The following ENTREP2 variants were observed in gnomAD, a reference collection of about 807,000 sequenced individuals.
ENTREP2 encodes the protein protein ENTREP2.
chr15:29,498,798 G>T, the ENTREP2 span, among the ~76,000 whole-genome samples: 1 of 152,008 alleles, frequency 6.6e-6, no homozygotes, highest in African/African-American at 2.4e-5. Flanking sequence ...TCTCCTTTCA[G>T]ATCTATTAAT....
chr15:29,205,401 T>C, the ENTREP2 span, among the ~76,000 whole-genome samples: 1 of 152,190 alleles, frequency 6.6e-6, no homozygotes, highest in Non-Finnish European at 1.5e-5. Context: ...GTCATAATGT[T>C]TTCCACAGCA....
At chr15:29,456,532 A>G in the ENTREP2 span, among the ~76,000 whole-genome samples, 1 of 152,280 alleles carries the variant, frequency 6.6e-6, no homozygotes, top group African/African-American at 2.4e-5. Context: ...CAAATTCCAC[A>G]AGCTGATTCT....
the ENTREP2 span, among the ~76,000 whole-genome samples, chr15:29,465,396 C>G: frequency 6.6e-5 from 10 of 152,194 alleles, no homozygotes; most frequent in Non-Finnish European, 7.3e-5. Context: ...TGCCTGACAA[C>G]TGAGCCACGT....
At chr15:29,478,500 T>A in the ENTREP2 span, among the ~76,000 whole-genome samples, 1 of 152,158 alleles carries the variant, frequency 6.6e-6, no homozygotes, top group South Asian at 2.1e-4. Context: ...TGAGATATAA[T>A]CCCTGATGCT....
At chr15:29,472,690 C>T in the ENTREP2 span, among the ~76,000 whole-genome samples, 4 of 152,244 alleles carry the variant, frequency 2.6e-5, no homozygotes, top group South Asian at 2.1e-4. Flanking sequence ...GTCTCTAACT[C>T]CTGACCTCAT....
chr15:29,124,626 C>CA, the ENTREP2 span: 10 of 1,437,810 alleles, frequency 7.0e-6, no homozygotes, highest in Middle Eastern at 1.8e-4. Flanking sequence ...AAGGACCCAC[C>CA]AACACCCGCC....
the ENTREP2 span, among the ~76,000 whole-genome samples, chr15:29,570,336 G>A: frequency 6.6e-6 from 1 of 151,744 alleles, no homozygotes; most frequent in Non-Finnish European, 1.5e-5. Flanking sequence ...CCGGGCCCTG[G>A]AGTTATTCTG....
At chr15:29,554,118 G>A in the ENTREP2 span, among the ~76,000 whole-genome samples, 4 of 152,178 alleles carry the variant, frequency 2.6e-5, no homozygotes, top group East Asian at 7.8e-4. Context: ...TTTGAGACCA[G>A]CCTGATCAAC....
At chr15:29,395,152 T>G in the ENTREP2 span, among the ~76,000 whole-genome samples, 1 of 151,518 alleles carries the variant, frequency 6.6e-6, no homozygotes, top group African/African-American at 2.4e-5. Context: ...CCTCCCAAAG[T>G]GCTGGGATTA....
At chr15:29,429,708 C>A in the ENTREP2 span, among the ~76,000 whole-genome samples, 1 of 152,198 alleles carries the variant, frequency 6.6e-6, no homozygotes, top group Admixed American at 6.5e-5. Context: ...TTGAAATCTA[C>A]GGACAGCCAT....
the ENTREP2 span, among the ~76,000 whole-genome samples, chr15:29,662,211 CAA>C: frequency 1.5e-3 from 71 of 46,970 alleles, no homozygotes; most frequent in African/African-American, 4.2e-3. Flanking sequence ...AACCCTGTCG[CAA>C]AAAAAAAAAA....
At chr15:29,226,633 A>G in the ENTREP2 span, among the ~76,000 whole-genome samples, 1 of 152,174 alleles carries the variant, frequency 6.6e-6, no homozygotes, top group Non-Finnish European at 1.5e-5. Context: ...CAGGATGAGG[A>G]AGCTAAATCA....
chr15:29,561,901 G>A, the ENTREP2 span, among the ~76,000 whole-genome samples: 2 of 152,120 alleles, frequency 1.3e-5, no homozygotes, highest in Non-Finnish European at 2.9e-5. Context: ...AGGGGAAATG[G>A]TGAATTTAAA....
the ENTREP2 span, among the ~76,000 whole-genome samples, chr15:29,278,455 T>C: frequency 6.6e-6 from 1 of 152,180 alleles, no homozygotes; most frequent in African/African-American, 2.4e-5. Context: ...GCTGTTGTTC[T>C]TTGGGAGAGG....
the ENTREP2 span, among the ~76,000 whole-genome samples, chr15:29,464,191 C>T: frequency 6.6e-6 from 1 of 151,286 alleles, no homozygotes. Flanking sequence ...ATGGCTAAGA[C>T]GGTAAATGTT....
chr15:29,137,071 G>A, the ENTREP2 span: 1 of 1,457,718 alleles, frequency 6.9e-7, no homozygotes, highest in Non-Finnish European at 9.0e-7. Context: ...GTGTACTCTG[G>A]GGGGTAATAG....
chr15:29,515,182 C>G, the ENTREP2 span, among the ~76,000 whole-genome samples: 1 of 152,214 alleles, frequency 6.6e-6, no homozygotes, highest in Non-Finnish European at 1.5e-5. Context: ...GACTGCGGAG[C>G]AGGACCCCCA....
the ENTREP2 span, among the ~76,000 whole-genome samples, chr15:29,226,621 C>G: frequency 6.6e-6 from 1 of 152,194 alleles, no homozygotes; most frequent in Admixed American, 6.5e-5. Context: ...TAATTTATTA[C>G]TCAGGATGAG....
the ENTREP2 span, among the ~76,000 whole-genome samples, chr15:29,264,594 A>C: frequency 6.6e-6 from 1 of 152,172 alleles, no homozygotes; most frequent in Admixed American, 6.5e-5. Flanking sequence ...CAGCAGACAA[A>C]CCCCAGCTGA....
Sources: gnomAD v4.1 joint callset for allele counts (sites outside exome capture counted in the v4.1 genomes callset) on GRCh38, gnomAD v4.1.1 for gene constraint, MANE v1.5 for transcripts, NCBI Gene and HGNC (gene_info 2026-07-23, HGNC 2026-07-21) for gene names.